The following CNTN5 variants were observed in gnomAD, a reference collection of about 807,000 sequenced individuals.
The protein encoded by CNTN5 is contactin-5.
In CNTN5, 77 loss-of-function variants were observed where a neutral mutation model predicts 129.1. The ratio of observed to expected loss-of-function variants is 0.60; its 90% CI spans 0.50 to 0.72. CNTN5 has a LOEUF of 0.72. Ranked by LOEUF, CNTN5 falls within the 30% of genes least tolerant of loss-of-function variation. CNTN5 has a pLI of 0.00. For synonymous variants in CNTN5, 509 were observed against 465.6 expected (o/e 1.09, Z -1.20); for missense variants, 1,478 against 1,328.8 (o/e 1.11, Z -1.75).
chr11:99,410,983 G>A (rs144687172), intron 2 of CNTN5, among the ~76,000 whole-genome samples: 8 of 152,252 alleles, frequency 5.3e-5, no homozygotes, highest in Non-Finnish European at 7.4e-5. Context: ...ATTTATTTGC[G>A]TATATTGAGC....
intron 18 of CNTN5, among the ~76,000 whole-genome samples, chr11:100,288,361 A>G (rs1373645621): frequency 1.3e-5 from 2 of 152,166 alleles, no homozygotes; most frequent in African/African-American, 4.8e-5. Context: ...ACTTGGAAGT[A>G]AAGCTCTCCT....
At chr11:99,584,051 A>G (rs1949710205) in intron 3 of CNTN5, among the ~76,000 whole-genome samples, 1 of 152,178 alleles carries the variant, frequency 6.6e-6, no homozygotes, top group African/African-American at 2.4e-5. Flanking sequence ...CATGAAATAG[A>G]TCAGATAATT....
At chr11:100,145,142 TA>T (rs1237968048) in intron 13 of CNTN5, among the ~76,000 whole-genome samples, 2 of 152,152 alleles carry the variant, frequency 1.3e-5, no homozygotes, top group African/African-American at 4.8e-5. Context: ...TTGATATATG[TA>T]AAACTCAGGA....
chr11:99,971,032 G>A (rs1265387807), intron 8 of CNTN5, among the ~76,000 whole-genome samples: 1 of 152,148 alleles, frequency 6.6e-6, no homozygotes, highest in African/African-American at 2.4e-5. Context: ...CTGGAATAAA[G>A]CCTACCATAT....
intron 3 of CNTN5, among the ~76,000 whole-genome samples, chr11:99,682,775 A>G (rs1953614554): frequency 6.6e-6 from 1 of 151,982 alleles, no homozygotes; most frequent in Non-Finnish European, 1.5e-5. Flanking sequence ...AAATGGAAAC[A>G]ATAAGACAAC....
chr11:99,909,145 G>T (rs978814291), intron 6 of CNTN5, among the ~76,000 whole-genome samples: 4 of 152,086 alleles, frequency 2.6e-5, no homozygotes. Context: ...ATTTTGGAGA[G>T]ACAGTTTTTA....
intron 3 of CNTN5, among the ~76,000 whole-genome samples, chr11:99,584,134 A>G (rs1278269903): frequency 6.6e-6 from 1 of 152,224 alleles, no homozygotes; most frequent in African/African-American, 2.4e-5. Flanking sequence ...GGTTCTTCAA[A>G]CTAATTTTTC....
At chr11:99,021,889 G>C (rs1012356401) in intron 1 of CNTN5, among the ~76,000 whole-genome samples, 3 of 152,312 alleles carry the variant, frequency 2.0e-5, no homozygotes, top group Non-Finnish European at 4.4e-5. Context: ...TTTGTAGGGA[G>C]ATATACGGAA....
chr11:99,483,218 C>T (rs1035108350), intron 2 of CNTN5, among the ~76,000 whole-genome samples: 2 of 105,864 alleles, frequency 1.9e-5, no homozygotes, highest in Non-Finnish European at 4.0e-5. Context: ...AGAACAGAAA[C>T]AAAAGGAAGT....
chr11:99,596,189 G>T (rs75314547), intron 3 of CNTN5, among the ~76,000 whole-genome samples: 5,746 of 152,138 alleles, frequency 0.038, 147 homozygotes, highest in South Asian at 0.086. Flanking sequence ...TCAGGACTTT[G>T]CTAAAAATTA....
intron 1 of CNTN5, among the ~76,000 whole-genome samples, chr11:99,302,798 T>C (rs1355665669): frequency 6.6e-6 from 1 of 151,800 alleles, no homozygotes; most frequent in Non-Finnish European, 1.5e-5. Flanking sequence ...CTATTAATCC[T>C]ATACTTGAGA....
intron 8 of CNTN5, among the ~76,000 whole-genome samples, chr11:99,958,013 A>G: frequency 6.6e-6 from 1 of 152,080 alleles, no homozygotes; most frequent in African/African-American, 2.4e-5. Context: ...TATAAAATAT[A>G]TATAATAGTA....
chr11:99,931,467 A>G (rs1191782650), intron 7 of CNTN5, among the ~76,000 whole-genome samples: 1 of 152,216 alleles, frequency 6.6e-6, no homozygotes, highest in African/African-American at 2.4e-5. Flanking sequence ...TTTTGACATC[A>G]AGCAGCTCTA....
intron 13 of CNTN5, among the ~76,000 whole-genome samples, chr11:100,146,682 A>G (rs1565285465): frequency 6.6e-6 from 1 of 152,162 alleles, no homozygotes; most frequent in African/African-American, 2.4e-5. Context: ...TGTTGAAAAT[A>G]TAATATAGTT....
intron 3 of CNTN5, among the ~76,000 whole-genome samples, chr11:99,740,753 T>C (rs1943864338): frequency 6.6e-6 from 1 of 152,176 alleles, no homozygotes; most frequent in Non-Finnish European, 1.5e-5. Context: ...TGAAACACTC[T>C]AGTGAATTTG....
At chr11:99,312,860 A>AT (rs1212001327) in intron 1 of CNTN5, among the ~76,000 whole-genome samples, 1 of 151,984 alleles carries the variant, frequency 6.6e-6, no homozygotes, top group Non-Finnish European at 1.5e-5. Context: ...GGCCTAAACA[A>AT]TTGGAAGCCT....
chr11:99,358,524 G>A (rs1938874791), intron 2 of CNTN5, among the ~76,000 whole-genome samples: 1 of 150,930 alleles, frequency 6.6e-6, no homozygotes, highest in Non-Finnish European at 1.5e-5. Flanking sequence ...TCGCGCCACT[G>A]CACTCCAGCC....
At chr11:99,720,252 T>C (rs927111200) in intron 3 of CNTN5, among the ~76,000 whole-genome samples, 3 of 152,094 alleles carry the variant, frequency 2.0e-5, no homozygotes, top group Non-Finnish European at 4.4e-5. Flanking sequence ...CCAATATCCT[T>C]GGTAAACTTC....
intron 1 of CNTN5, among the ~76,000 whole-genome samples, chr11:99,253,897 TTATATA>T (rs67720359): frequency 0.093 from 12,946 of 139,024 alleles, 663 homozygotes; most frequent in Non-Finnish European, 0.11. Flanking sequence ...AAATATACGT[TTATATA>T]TATATATATA....
Sources: gnomAD v4.1 joint callset for allele counts (sites outside exome capture counted in the v4.1 genomes callset) on GRCh38, gnomAD v4.1.1 for gene constraint, MANE v1.5 for transcripts, NCBI Gene and HGNC (gene_info 2026-07-23, HGNC 2026-07-21) for gene names.